The following USP35 variants were observed in gnomAD, a reference collection of about 807,000 sequenced individuals.
The protein encoded by USP35 is ubiquitin carboxyl-terminal hydrolase 35.
A neutral mutation model predicts 83.8 loss-of-function variants in USP35; 69 were observed. That is an observed-to-expected ratio of 0.82 (90% confidence interval 0.68 to 1.01). The LOEUF (loss-of-function observed/expected upper bound fraction) is 1.01. USP35 is among the 50% of genes least tolerant of loss of function. USP35 has a pLI of 0.00. For missense variants in USP35, 1,503 were observed against 1,362.5 expected (o/e 1.10, Z -1.62); for synonymous variants, 714 against 589.5 (o/e 1.21, Z -3.06).
At chr11:78,206,608 C>T (rs1863537940) in intron 7 of USP35, among the ~76,000 whole-genome samples, 1 of 152,216 alleles carries the variant, frequency 6.6e-6, no homozygotes, top group South Asian at 2.1e-4. Context: ...ACGTTCTTCT[C>T]AAAACGCCTA....
rs756433310 is a variant in USP35, at chr11:78,200,826, A to C, written c.1197+18A>C. 1 of 1,585,944 alleles carries C rather than the reference A, an allele frequency of 6.3e-7. No homozygotes were observed. The highest frequency in any genetic ancestry group is 1.1e-5 in the South Asian group (1 of 88,748). On this transcript the variant is annotated intron_variant, in intron 6 of 10. Coordinates refer to ENST00000529308, the MANE Select transcript of USP35 (RefSeq NM_020798.4). ...CCATCAAGGTGAGCGACAGTCCCCT[A>C]CTTGGGCCTTGCCCCACTCTGACAA...
intron 1 of USP35, among the ~76,000 whole-genome samples, chr11:78,189,753 C>T (rs181629602): frequency 2.4e-4 from 37 of 152,308 alleles, no homozygotes; most frequent in Admixed American, 5.2e-4. Context: ...GCTGCTCCTG[C>T]TTTCTTCCCT....
chr11:78,212,617 A>C (rs1863830233), intron 10 of USP35, among the ~76,000 whole-genome samples: 2 of 152,064 alleles, frequency 1.3e-5, no homozygotes, highest in African/African-American at 4.8e-5. Context: ...TTCCCTTGTT[A>C]GCTGTATTCC....
the USP35 span, chr11:78,223,752 T>C: frequency 7.9e-7 from 1 of 1,263,726 alleles, no homozygotes; most frequent in Admixed American, 2.2e-5. Context: ...ACTTTGTAAA[T>C]GAGGCAAGAC....
At chr11:78,197,633 G>A (rs1185445645) in intron 2 of USP35, among the ~76,000 whole-genome samples, 1 of 152,158 alleles carries the variant, frequency 6.6e-6, no homozygotes, top group South Asian at 2.1e-4. Flanking sequence ...TCCAGTCCAC[G>A]CAGCCCTCCC....
chr11:78,207,007 G>A (rs1417247955), intron 7 of USP35, among the ~76,000 whole-genome samples: 3 of 152,238 alleles, frequency 2.0e-5, no homozygotes, highest in African/African-American at 7.2e-5. Flanking sequence ...CAGGGGAACA[G>A]CTTGAGATTG....
Position 78,209,610 on chromosome 11 carries a change from C to A in USP35, c.1755C>A (p.Asn585Lys). 1 of 1,614,152 alleles carries A rather than the reference C, an allele frequency of 6.2e-7. No individual in the cohort carries two copies. Among genetic ancestry groups the A allele is most frequent in the East Asian group, 2.2e-5 (1 of 44,860 alleles). Residue 585 changes from asparagine to lysine, a missense_variant, in exon 10 of 11, where the codon AAC becomes AAA. By Grantham distance (94) the Asn-to-Lys change is moderately conservative. Coordinates refer to ENST00000529308, the MANE Select transcript of USP35 (RefSeq NM_020798.4). ...GGATCTGCTGTCTCTGCTGCCTCAA[C>A]GTCTCCTCCCGGGAGGAGGCCTTCA... ...VTRICCLCCL[N>K]VSSREEAFTD...
the USP35 span, chr11:78,225,082 G>C: frequency 6.7e-7 from 1 of 1,493,496 alleles, no homozygotes; most frequent in Non-Finnish European, 9.3e-7. Context: ...GCCGGCCTGA[G>C]GACCCTTGGG....
intron 1 of USP35, among the ~76,000 whole-genome samples, chr11:78,191,049 G>A (rs746861248): frequency 2.6e-5 from 4 of 152,198 alleles, no homozygotes; most frequent in Non-Finnish European, 4.4e-5. Flanking sequence ...TGCTTACCGT[G>A]TAATAAGCTC....
chr11:78,232,127 G>C, the USP35 span, among the ~76,000 whole-genome samples: 3 of 152,198 alleles, frequency 2.0e-5, no homozygotes. Context: ...TTTTGCCTTT[G>C]GTCAGTCAAT....
the USP35 span, chr11:78,226,660 C>T: frequency 9.3e-6 from 15 of 1,613,862 alleles, no homozygotes; most frequent in Non-Finnish European, 1.2e-5. Flanking sequence ...ACTGTCATGG[C>T]ATTGTGGTTT....
intron 10 of USP35, 134 bp downstream of exon 10, chr11:78,210,878 T>C (rs1311737324): frequency 1.0e-6 from 1 of 953,958 alleles, no homozygotes; most frequent in South Asian, 2.0e-5. Context: ...GTGCTGGGTA[T>C]ATACTGGTGG....
chr11:78,203,900 T>G (rs1223451066), intron 6 of USP35, among the ~76,000 whole-genome samples: 1 of 144,180 alleles, frequency 6.9e-6, no homozygotes, highest in Admixed American at 6.9e-5. Flanking sequence ...TTCTTTTTTT[T>G]TTTTTTTTGA....
Position 78,197,799 on chromosome 11 carries a change from C to G in USP35, c.674-137C>G, listed in dbSNP as rs111270476. ...TAGGTGGAACCAGAGACTTTGCTTG[C>G]TATAGGAGAGGAGGTGGCCTCTGCT... On this transcript the variant is annotated intron_variant, in intron 2 of 10. Coordinates refer to ENST00000529308, the MANE Select transcript of USP35 (RefSeq NM_020798.4). 5,906 of 1,269,648 alleles carry G rather than the reference C, an allele frequency of 4.7e-3. 210 individuals are homozygous for G. In the African/African-American group the frequency reaches 0.081, roughly 17 times the overall value. The allele number at this position is 1,269,648 out of a possible 1,614,324, so 78.6% of individuals were successfully genotyped here.
chr11:78,231,608 A>G, the USP35 span, among the ~76,000 whole-genome samples: 1 of 152,084 alleles, frequency 6.6e-6, no homozygotes, highest in African/African-American at 2.4e-5. Context: ...TCAGCCTCCC[A>G]AAGTGCTGGG....
the USP35 span, chr11:78,223,618 G>A: frequency 1.9e-6 from 3 of 1,613,176 alleles, no homozygotes; most frequent in Admixed American, 3.3e-5. Context: ...TGGATTCATG[G>A]GCACATAGTT....
chr11:78,212,017 T>C (rs908010155), intron 10 of USP35, among the ~76,000 whole-genome samples: 1 of 152,262 alleles, frequency 6.6e-6, no homozygotes, highest in African/African-American at 2.4e-5. Flanking sequence ...TCTTTGCCTA[T>C]GCCTATGTCC....
At chr11:78,197,204 G>A (rs1863179090) in intron 2 of USP35, among the ~76,000 whole-genome samples, 1 of 126,326 alleles carries the variant, frequency 7.9e-6, no homozygotes, top group Non-Finnish European at 1.6e-5. Flanking sequence ...GGAACGGGAA[G>A]TTGAGCAAGC....
chr11:78,227,667 C>G, the USP35 span, among the ~76,000 whole-genome samples: 1 of 143,288 alleles, frequency 7.0e-6, no homozygotes, highest in Non-Finnish European at 1.5e-5. Context: ...GGGCAGGGTG[C>G]TGCACACCTG....
Sources: gnomAD v4.1 joint callset for allele counts (sites outside exome capture counted in the v4.1 genomes callset) on GRCh38, gnomAD v4.1.1 for gene constraint, MANE v1.5 for transcripts, NCBI Gene and HGNC (gene_info 2026-07-23, HGNC 2026-07-21) for gene names.